RAB37: variants seen among roughly 807,000 people sequenced by gnomAD.
RAB37 encodes the protein RAB37, member RAS oncogene family, also known as ras-related protein Rab-37.
Under a neutral mutation model 33.1 loss-of-function variants are expected in RAB37, and 29 were observed. The ratio of observed to expected loss-of-function variants is 0.88; its 90% CI spans 0.65 to 1.20. The LOEUF is 1.20. RAB37 is among the 50% of genes most tolerant of loss of function. The pLI is 0.00. For missense variants in RAB37, 299 were observed against 301.1 expected (o/e 0.99, Z 0.05); for synonymous variants, 128 against 119.5 (o/e 1.07, Z -0.47).
At chr17:74,725,184 T>C (rs1181056575) in intron 1 of RAB37, among the ~76,000 whole-genome samples, 1 of 152,032 alleles carries the variant, frequency 6.6e-6, no homozygotes, top group Non-Finnish European at 1.5e-5. Flanking sequence ...ACAAACAACC[T>C]CCTGTCCCCA....
intron 1 of RAB37, among the ~76,000 whole-genome samples, chr17:74,674,542 G>C (rs919263328): frequency 4.6e-5 from 7 of 152,026 alleles, no homozygotes; most frequent in Non-Finnish European, 8.8e-5. Context: ...GCTAGGCGTG[G>C]TAACACACTC....
chr17:74,743,612 C>T (rs935114087), intron 5 of RAB37, among the ~76,000 whole-genome samples: 3 of 152,152 alleles, frequency 2.0e-5, no homozygotes, highest in Non-Finnish European at 4.4e-5. Flanking sequence ...GTGTTCAGAA[C>T]AGCCCCCACT....
chr17:74,745,522 C>A lies in RAB37; in HGVS notation c.*111C>A. 1 of 822,130 alleles carries A rather than the reference C, an allele frequency of 1.2e-6. No homozygotes were observed. Among genetic ancestry groups the A allele is most frequent in the Non-Finnish European group, 2.0e-6 (1 of 497,718 alleles). The allele number at this position is 822,130 out of a possible 1,614,324, so 50.9% of individuals were successfully genotyped here. A position where few individuals can be genotyped will look rare whatever the true frequency, so the allele number is the denominator to read the frequency against. On this transcript the variant is annotated 3_prime_UTR_variant, in exon 9 of 9. Coordinates refer to ENST00000392613, the MANE Select transcript of RAB37 (RefSeq NM_001006638.3). The surrounding 1 kb of genome is among the most constrained non-coding windows in gnomAD (Gnocchi z 4.5). ...CCAATGGGGAGAAAGATGGAGGACT[C>A]ACTGCACAGCCGCTTCCTAGCAGGG...
chr17:74,745,073 G>A lies in RAB37; in HGVS notation c.555G>A (p.Leu185=). Residue 185 remains leucine, a synonymous_variant, in exon 8 of 9, where the codon CTG becomes CTA. Transcript: ENST00000392613. The surrounding 1 kb of genome is among the most constrained non-coding windows in gnomAD (Gnocchi z 4.5). ...GCATGAATGTGGAGTTAGCCTTTCT[G>A]GCCATCGCCAAGTGAGAGCTGGGCA... ...KTGMNVELAF[L]AIAKELKYRA... is the part of the protein sequence containing the mutation. The A allele has an allele frequency of 6.2e-7, 1 of 1,614,190 alleles. No homozygotes were observed.
chr17:74,696,850 C>T (rs2032526603), intron 1 of RAB37, among the ~76,000 whole-genome samples: 2 of 152,104 alleles, frequency 1.3e-5, no homozygotes, highest in South Asian at 4.2e-4. Flanking sequence ...CCAAGCTGTC[C>T]CCCAACCCCG....
intron 1 of RAB37, among the ~76,000 whole-genome samples, chr17:74,687,201 T>C (rs767775101): frequency 7.3e-5 from 11 of 151,598 alleles, no homozygotes; most frequent in Non-Finnish European, 1.5e-4. Context: ...TTTATTTTAT[T>C]TATTTATTTT....
intron 2 of RAB37, among the ~76,000 whole-genome samples, chr17:74,731,324 C>A (rs1269671493): frequency 6.6e-6 from 1 of 152,166 alleles, no homozygotes; most frequent in East Asian, 1.9e-4. Context: ...CCACAGGCTC[C>A]GCTCAGGAGG....
chr17:74,729,165 TAGAA>T lies in RAB37; in HGVS notation c.73-86_73-83del, dbSNP rs1338670247. On this transcript the variant is annotated intron_variant, in intron 1 of 7. Transcript: ENST00000340415. This position sits in a 1 kb window ranked among gnomAD's most constrained non-coding sequence, Gnocchi z 4.2. ...TGTGCATGTTGTGCACATGCGTGCT[TAGAA>T]AGAATCCACTCCCACAGCCACAAGG... is the stretch of plus-strand genomic sequence containing the variant. 2.0e-5 allele frequency: 17 copies of T among 845,108 alleles called. No individual in the cohort carries two copies. Among genetic ancestry groups the T allele is most frequent in the South Asian group, 2.0e-4 (15 of 75,454 alleles). The allele number at this position is 845,108 out of a possible 1,614,324, so 52.4% of individuals were successfully genotyped here. A position where few individuals can be genotyped will look rare whatever the true frequency, so the allele number is the denominator to read the frequency against.
At chr17:74,714,435 G>A (rs60763451) in intron 1 of RAB37, among the ~76,000 whole-genome samples, 215 of 113,286 alleles carry the variant, frequency 1.9e-3, no homozygotes, top group Admixed American at 6.1e-3. Flanking sequence ...ACACACACAC[G>A]CACGCACAGA....
intron 1 of RAB37, among the ~76,000 whole-genome samples, chr17:74,718,922 G>C (rs2034203489): frequency 1.3e-5 from 2 of 152,076 alleles, no homozygotes; most frequent in Non-Finnish European, 2.9e-5. Flanking sequence ...ACCTTTATTA[G>C]GGCATTTTAA....
At chr17:74,737,000 C>G (rs1020597536), upstream of RAB37, 7 of 1,597,028 alleles carry the variant, frequency 4.4e-6, no homozygotes, top group Admixed American at 1.0e-4. Context: ...GGGACCGGTC[C>G]CGGGGCTGGA....
chr17:74,674,602 G>A (rs138253341), intron 1 of RAB37, among the ~76,000 whole-genome samples: 147 of 152,062 alleles, frequency 9.7e-4, no homozygotes, highest in African/African-American at 3.2e-3. Flanking sequence ...CACTTGAACC[G>A]AGGAGGTGGA....
At chr17:74,694,866 GC>G (rs1441832362) in intron 1 of RAB37, 2 of 450,100 alleles carry the variant, frequency 4.4e-6, no homozygotes, top group South Asian at 1.0e-4. Context: ...CATATCCCTA[GC>G]CCCCTCCTCA....
At chr17:74,712,114 G>C (rs1039534338) in intron 1 of RAB37, among the ~76,000 whole-genome samples, 2 of 151,650 alleles carry the variant, frequency 1.3e-5, no homozygotes, top group Admixed American at 1.3e-4. Flanking sequence ...GTTTCCACAT[G>C]TTACCCAAGC....
chr17:74,742,224 C>T lies in RAB37; in HGVS notation c.205-30C>T. On this transcript the variant is annotated intron_variant, in intron 2 of 8. Transcript: ENST00000392613. The surrounding 1 kb of genome is among the most constrained non-coding windows in gnomAD (Gnocchi z 4.0). ...AGCTGAGGAGCCACATGACTCCTGC[C>T]CTCCCATCCTCTGCCTTTTTCTCTT... 1 of 1,611,154 alleles carries T rather than the reference C, an allele frequency of 6.2e-7. No homozygotes were observed. The highest frequency in any genetic ancestry group is 1.1e-5 in the South Asian group (1 of 90,488).
chr17:74,695,714 G>A, intron 1 of RAB37: 1 of 1,614,090 alleles, frequency 6.2e-7, no homozygotes, highest in African/African-American at 1.3e-5. Flanking sequence ...CAGCCCCCAT[G>A]GAGGACGCAC....
upstream of RAB37, chr17:74,736,648 A>AATG (rs751277300): frequency 1.0e-5 from 16 of 1,535,304 alleles, no homozygotes; most frequent in Non-Finnish European, 1.1e-5. Context: ...GGCCGGGGGA[A>AATG]ATGAGAGGTG....
At chr17:74,709,716 G>T (rs776756020) in intron 1 of RAB37, among the ~76,000 whole-genome samples, 11 of 151,782 alleles carry the variant, frequency 7.2e-5, no homozygotes, top group Non-Finnish European at 1.6e-4. Context: ...CAGGACCACA[G>T]GCATGCACCA....
intron 1 of RAB37, among the ~76,000 whole-genome samples, chr17:74,683,154 T>C (rs1399847058): frequency 6.6e-6 from 1 of 152,252 alleles, no homozygotes; most frequent in African/African-American, 2.4e-5. Flanking sequence ...GGGTTATTAA[T>C]GACTGGACTT....
Sources: allele counts gnomAD v4.1 joint callset (sites outside exome capture counted in the v4.1 genomes callset), GRCh38; gene constraint gnomAD v4.1.1; non-coding constraint Gnocchi (gnomAD v3.1); transcripts MANE v1.5; gene names NCBI Gene and HGNC (gene_info 2026-07-23, HGNC 2026-07-21).